EMC1: variants seen among roughly 807,000 people sequenced by gnomAD.
EMC1 encodes ER membrane protein complex subunit 1.
Under a neutral mutation model 128.8 loss-of-function variants are expected in EMC1, and 103 were observed. The ratio of observed to expected loss-of-function variants is 0.80; its 90% CI spans 0.68 to 0.94. The LOEUF (loss-of-function observed/expected upper bound fraction) is 0.94. Among genes scored for constraint, EMC1 ranks in the 40% least tolerant of loss-of-function variants. EMC1 has a pLI of 0.00. For missense variants in EMC1, 1,083 were observed against 1,250.6 expected (o/e 0.87, Z 2.02); for synonymous variants, 442 against 490.4 (o/e 0.90, Z 1.30).
At chr1:19,219,719 C>A in intron 21 of EMC1, 21 bp from the exon 22 acceptor site, 2 of 1,613,970 alleles carry the variant, frequency 1.2e-6, no homozygotes, top group Non-Finnish European at 1.7e-6. Flanking sequence ...CCAGCCGGGA[C>A]AGGCAGTCTG....
Position 19,222,792 on chromosome 1 carries a change from C to T in EMC1, c.2419G>A (p.Val807Ile), listed in dbSNP as rs561638764. ...TCAGTGCCCTCATAGAGCTCCAGTA[C>T]GGTAAACTCGTTGCGCCGAGCCTTG... is the stretch of plus-strand genomic sequence containing the variant. ...NTKARRNEFTVLELYEGTEQY... is the reference protein window; with the variant it reads ...NTKARRNEFTILELYEGTEQY... The change falls in exon 20 of 23, where the codon GTA becomes ATA. Residue 807 changes from valine (V) to isoleucine (I), a missense_variant. This residue lies in a region of EMC1 where 527 missense variants were observed against 644.1 expected (regional missense o/e 0.82). Transcript: ENST00000477853. The T allele has an allele frequency of 7.6e-5, 123 of 1,613,508 alleles. 2 individuals carry two copies. The highest frequency in any genetic ancestry group is 5.5e-4 in the South Asian group (50 of 91,052).
chr1:19,237,179 C>G lies in EMC1; in HGVS notation c.1272G>C (p.Gln424His). Residue 424 changes from glutamine (Q) to histidine (H), a missense_variant, in exon 12 of 23, where the codon CAG (glutamine) becomes CAC (histidine). By Grantham distance (24) the Gln-to-His change is conservative. Coordinates refer to ENST00000477853, the MANE Select transcript of EMC1 (RefSeq NM_015047.3). ...DDSVGYRALV[Q>H]TEDHLLLFLQ... ...GGAAAAGTAGCAGATGATCCTCTGT[C>G]TGCACCAAAGCCCGGTAGCCCACTG... 6.2e-7 allele frequency: 1 copy of G among 1,614,046 alleles called. No homozygotes were observed. The highest frequency in any genetic ancestry group is 1.3e-5 in the African/African-American group (1 of 75,010).
chr1:19,240,085 T>A, intron 7 of EMC1, 100 bp from the exon 8 acceptor site: 1 of 1,325,474 alleles, frequency 7.5e-7, no homozygotes, highest in East Asian at 2.5e-5. Flanking sequence ...GGGAAGTAAC[T>A]GGGCCATGGC....
At chr1:19,225,435 A>C (rs6698512) in intron 18 of EMC1, among the ~76,000 whole-genome samples, 13,355 of 152,230 alleles carry the variant, frequency 0.088, 687 homozygotes, top group Non-Finnish European at 0.12. Context: ...GCAGATCACG[A>C]GATCAAGAGA....
At chr1:19,246,318 A>T (rs1324670196) in intron 1 of EMC1, among the ~76,000 whole-genome samples, 1 of 151,964 alleles carries the variant, frequency 6.6e-6, no homozygotes, top group African/African-American at 2.4e-5. Flanking sequence ...TGAACTCAGG[A>T]AGCAGAGGTT....
At chr1:19,222,537 C>A in intron 20 of EMC1, 87 bp downstream of exon 20, 1 of 1,203,122 alleles carries the variant, frequency 8.3e-7, no homozygotes, top group South Asian at 1.3e-5. Context: ...TTCAACAAGG[C>A]TCTGCCAGCA....
intron 17 of EMC1, among the ~76,000 whole-genome samples, 164 bp downstream of exon 17, chr1:19,230,680 C>G (rs561030657): frequency 6.6e-6 from 1 of 152,344 alleles, no homozygotes; most frequent in South Asian, 2.1e-4. Context: ...CATGTAGTAG[C>G]TGCCCAACAA....
At chr1:19,243,583 C>T (rs763698480) in intron 4 of EMC1, 31 bp downstream of exon 4, 6 of 1,578,230 alleles carry the variant, frequency 3.8e-6, no homozygotes, top group Non-Finnish European at 5.2e-6. Flanking sequence ...GCCTTTAACT[C>T]AGTCAAGATA....
chr1:19,243,885 C>A (rs2093619500), intron 3 of EMC1, 65 bp downstream of exon 3: 1 of 1,568,300 alleles, frequency 6.4e-7, no homozygotes, highest in Non-Finnish European at 8.8e-7. Context: ...CTGTACAGAT[C>A]AAGGAGCCAA....
rs1455515239 is a variant in EMC1, at chr1:19,244,795, G to A, written c.220+111C>T. On this transcript the variant is annotated intron_variant, in intron 2 of 22. Coordinates refer to ENST00000477853, the MANE Select transcript of EMC1 (RefSeq NM_015047.3). ...AAAAGTATCAGAATCCACTAGGAGA[G>A]GCATCTTTTGGCCAACATGTTCCTT... The A allele has an allele frequency of 7.3e-6, 9 of 1,233,174 alleles. No individual in the cohort carries two copies. The East Asian group carries it at 1.2e-4, about 16-fold the overall frequency. 76.4% of individuals were successfully genotyped at this position (1,233,174 alleles called of 1,614,324 possible).
Position 19,237,191 on chromosome 1 carries a change from C to T in EMC1, c.1260G>A (p.Arg420=), listed in dbSNP as rs1418878746. 6.2e-7 allele frequency: 1 copy of T among 1,614,004 alleles called. No individual in the cohort carries two copies. The highest frequency in any genetic ancestry group is 8.5e-7 in the Non-Finnish European group (1 of 1,180,002). Residue 420 remains arginine (R), a synonymous_variant, in exon 12 of 23, where the codon CGG becomes CGA. Coordinates refer to ENST00000477853, the MANE Select transcript of EMC1 (RefSeq NM_015047.3). ...GATGATCCTCTGTCTGCACCAAAGCCCGGTAGCCCACTGAGTCATCCTTCT... is the reference window on the plus strand; with the variant it reads ...GATGATCCTCTGTCTGCACCAAAGCTCGGTAGCCCACTGAGTCATCCTTCT... ...FLKKDDSVGY[R]ALVQTEDHLL...
chr1:19,248,592 G>T (rs150391675), intron 1 of EMC1, among the ~76,000 whole-genome samples: 2,920 of 152,144 alleles, frequency 0.019, 36 homozygotes, highest in South Asian at 0.045. Context: ...GCTAATTTTC[G>T]TATTTTTAGG....
intron 15 of EMC1, among the ~76,000 whole-genome samples, chr1:19,232,028 G>A (rs562874424): frequency 4.7e-4 from 72 of 152,284 alleles, no homozygotes; most frequent in Middle Eastern, 3.4e-3. Flanking sequence ...TTGGGAGGCC[G>A]AGGCAGGTGG....
intron 18 of EMC1, among the ~76,000 whole-genome samples, chr1:19,224,953 C>T (rs1048313182): frequency 8.5e-5 from 13 of 152,206 alleles, no homozygotes; most frequent in Non-Finnish European, 1.6e-4. Context: ...CTTCCTCACT[C>T]AAGTCCACTC....
chr1:19,227,434 A>G lies in EMC1; in HGVS notation c.2081T>C (p.Leu694Pro). Residue 694 changes from leucine (L) to proline (P), a missense_variant, in exon 18 of 23, where the codon CTG (leucine) becomes CCG (proline). By Grantham distance (98) the Leu-to-Pro change is moderately conservative. This residue lies in a region of EMC1 where 527 missense variants were observed against 644.1 expected (regional missense o/e 0.82). Transcript: ENST00000477853. The part of the protein sequence containing the change: ...YRLRKDLTTE[L>P]SWELTIPPEV... ...TGGGGGAATGGTCAGCTCCCAACTC[A>G]GCTCAGTGGTGAGATCCTAGGGCAG... The G allele has an allele frequency of 6.2e-7, 1 of 1,614,196 alleles. No homozygotes were observed. Among genetic ancestry groups the G allele is most frequent in the Non-Finnish European group, 8.5e-7 (1 of 1,180,042 alleles).
At position 19,231,264 on chromosome 1, in the gene EMC1, G is replaced by A; in HGVS notation, c.1941C>T (p.Tyr647=). ...AKVLLLIDDE[Y]KVTAFPATRN... Reference sequence around the variant, plus strand: ...CCATCCCCTCTGAAGACAGTACCTTGTATTCATCATCTATCAACAGCAACA... The same window carrying A: ...CCATCCCCTCTGAAGACAGTACCTTATATTCATCATCTATCAACAGCAACA... Residue 647 remains tyrosine (Y), a synonymous_variant, in exon 16 of 23, where the codon TAC becomes TAT. Transcript: ENST00000477853. The A allele has an allele frequency of 1.9e-6, 3 of 1,597,024 alleles. No individual in the cohort carries two copies. The highest frequency in any genetic ancestry group is 1.4e-5 in the African/African-American group (1 of 73,622).
At position 19,226,856 on chromosome 1, in the gene EMC1, G is replaced by A. The variant is rs369511202; in HGVS notation, c.2202+457C>T. The stretch of plus-strand genomic sequence containing the variant: ...CTCAAAATGCTGGGATTACTGGCAT[G>A]AGCCACCAAGCCCAGCCGTTTTTAA... On this transcript the variant is annotated intron_variant, in intron 18 of 22. Transcript: ENST00000477853. Among the ~76,000 whole-genome samples the A allele has an allele frequency of 7.6e-4, 116 of 151,968 alleles. 1 individual carries two copies. Among genetic ancestry groups the A allele is most frequent in the African/African-American group, 2.5e-3 (102 of 41,432 alleles).
At chr1:19,231,457 GA>G (rs1558100157) in intron 15 of EMC1, 35 bp from the exon 16 acceptor site, 1 of 1,594,538 alleles carries the variant, frequency 6.3e-7, no homozygotes, top group Non-Finnish European at 8.5e-7. Flanking sequence ...CCACCAACAA[GA>G]AAAGACTGCA....
rs183994218 is a variant in EMC1 at position 19,227,760 on chromosome 1, C to T, written c.2065-310G>A. 2.4e-3 allele frequency among the ~76,000 whole-genome samples: 358 copies of T among 152,148 alleles called. 2 individuals are homozygous for T. Among genetic ancestry groups the T allele is most frequent in the African/African-American group, 8.5e-3 (351 of 41,490 alleles). Reference sequence around the variant, plus strand: ...GCAGGCACCTATAATCCTAGCCACTCGGGAGGCTGAGGCAGAGGCTGCAGT... The same window carrying T: ...GCAGGCACCTATAATCCTAGCCACTTGGGAGGCTGAGGCAGAGGCTGCAGT... On this transcript the variant is annotated intron_variant, in intron 17 of 22. Transcript: ENST00000477853.
Sources: allele counts gnomAD v4.1 joint callset (sites outside exome capture counted in the v4.1 genomes callset), GRCh38; gene constraint gnomAD v4.1.1; regional missense constraint gnomAD v4.1.1; transcripts MANE v1.5; gene names NCBI Gene and HGNC (gene_info 2026-07-23, HGNC 2026-07-21).